Variants in NAV2 observed in about 807,000 individuals in gnomAD.
NAV2 encodes neuron navigator 2, also known as helicase, APC down-regulated 1.
In NAV2, 54 loss-of-function variants were observed where a neutral mutation model predicts 223.2. The ratio of observed to expected loss-of-function variants is 0.24; its 90% confidence interval spans 0.19 to 0.30. The LOEUF (loss-of-function observed/expected upper bound fraction) is 0.30, where lower values mean the gene tolerates loss of function less well. Ranked by LOEUF, NAV2 falls within the 10% of genes least tolerant of loss-of-function variation. The pLI is 1.00. For missense variants in NAV2, 2,806 were observed against 3,147.5 expected (o/e 0.89, Z 2.60); for synonymous variants, 1,279 against 1,239.3 (o/e 1.03, Z -0.67).
intron 1 of NAV2, among the ~76,000 whole-genome samples, chr11:19,715,964 C>A (rs1371022407): frequency 6.6e-6 from 1 of 152,200 alleles, no homozygotes; most frequent in Non-Finnish European, 1.5e-5. Flanking sequence ...AGATCCCTGT[C>A]TGCACAGCTG....
chr11:20,008,401 C>CTTCT (rs1427871923), intron 11 of NAV2, among the ~76,000 whole-genome samples: 1 of 152,180 alleles, frequency 6.6e-6, no homozygotes, highest in Non-Finnish European at 1.5e-5. Flanking sequence ...TGCCTGTCAT[C>CTTCT]TTCTCTGTCT....
At position 19,580,797 on chromosome 11, in the gene NAV2, A is replaced by G. The variant is rs191326343; in HGVS notation, c.75+229770A>G. ...GTGAACAAGATTTTCTCTTGGGAAC[A>G]CACTTAGGAGTAAAACTGCTGAGTA... On this transcript the variant is annotated intron_variant, in intron 1 of 37. Coordinates refer to the NAV2 transcript ENST00000360655. Among the ~76,000 whole-genome samples the G allele has an allele frequency of 1.1e-3, 169 of 152,330 alleles. 1 individual carries two copies. The highest frequency in any genetic ancestry group is 1.9e-3 in the Non-Finnish European group (132 of 68,030).
At chr11:19,406,773 T>G (rs1849916666) in intron 1 of NAV2, among the ~76,000 whole-genome samples, 1 of 152,194 alleles carries the variant, frequency 6.6e-6, no homozygotes, top group South Asian at 2.1e-4. Flanking sequence ...TTCCCGGCCC[T>G]TGAAACTCAC....
At chr11:19,564,791 G>A (rs192685466) in intron 1 of NAV2, among the ~76,000 whole-genome samples, 246 of 152,348 alleles carry the variant, frequency 1.6e-3, no homozygotes, top group African/African-American at 5.8e-3. Flanking sequence ...GAGGCCCAAA[G>A]AGGTCGGGTG....
intron 1 of NAV2, among the ~76,000 whole-genome samples, chr11:19,814,120 G>T (rs1785169475): frequency 6.6e-6 from 1 of 152,168 alleles, no homozygotes; most frequent in African/African-American, 2.4e-5. Flanking sequence ...TCTGGACATT[G>T]TTGGTGGCCT....
intron 30 of NAV2, 36 bp downstream of exon 30, chr11:20,095,803 C>G: frequency 6.8e-7 from 1 of 1,472,390 alleles, no homozygotes; most frequent in South Asian, 1.1e-5. Flanking sequence ...AGCATACTAC[C>G]TAACATGGGC....
At chr11:20,081,081 A>G (rs939998374) in intron 25 of NAV2, among the ~76,000 whole-genome samples, 21 of 152,008 alleles carry the variant, frequency 1.4e-4, no homozygotes, top group African/African-American at 5.1e-4. Context: ...CATTCTGTAC[A>G]CTTCTCACTC....
intron 1 of NAV2, among the ~76,000 whole-genome samples, chr11:19,749,112 C>T (rs1362172795): frequency 6.6e-6 from 1 of 152,218 alleles, no homozygotes; most frequent in African/African-American, 2.4e-5. Flanking sequence ...TTAGAAGCAG[C>T]ATCCCACTGA....
chr11:20,077,493 C>T, intron 22 of NAV2, 59 bp from the exon 23 acceptor site: 1 of 1,342,782 alleles, frequency 7.4e-7, no homozygotes. Flanking sequence ...GAGCCAGACA[C>T]CTTCTAAGCA....
intron 9 of NAV2, among the ~76,000 whole-genome samples, chr11:19,947,015 G>A (rs2046990354): frequency 6.6e-6 from 1 of 152,142 alleles, no homozygotes; most frequent in South Asian, 2.1e-4. Context: ...GGAAACATCA[G>A]GTGCTTTCAT....
chr11:19,426,969 G>A (rs551826827), intron 1 of NAV2, among the ~76,000 whole-genome samples: 30 of 152,250 alleles, frequency 2.0e-4, no homozygotes, highest in African/African-American at 6.7e-4. Context: ...TCTCTCACTG[G>A]AGAAGAGTAT....
At chr11:19,594,743 C>T (rs1268122407) in intron 1 of NAV2, among the ~76,000 whole-genome samples, 3 of 152,124 alleles carry the variant, frequency 2.0e-5, no homozygotes, top group Non-Finnish European at 2.9e-5. Flanking sequence ...GGAACTCTTT[C>T]CTTTCTAGCT....
intron 1 of NAV2, among the ~76,000 whole-genome samples, chr11:19,437,729 TAAACTATG>T (rs940233037): frequency 1.3e-5 from 2 of 152,234 alleles, no homozygotes; most frequent in African/African-American, 4.8e-5. Flanking sequence ...TACTGCCAAT[TAAACTATG>T]AAACGATGCA....
chr11:19,749,116 C>A (rs1310228258), intron 1 of NAV2, among the ~76,000 whole-genome samples: 2 of 152,176 alleles, frequency 1.3e-5, no homozygotes, highest in Non-Finnish European at 2.9e-5. Context: ...AAGCAGCATC[C>A]CACTGAGCAT....
intron 6 of NAV2, among the ~76,000 whole-genome samples, chr11:19,928,515 C>T (rs1490260291): frequency 1.3e-5 from 2 of 152,096 alleles, no homozygotes; most frequent in Non-Finnish European, 2.9e-5. Context: ...AGGAAAATAA[C>T]AAGAGTTGTT....
intron 11 of NAV2, among the ~76,000 whole-genome samples, chr11:20,026,872 T>C (rs2055135438): frequency 6.6e-6 from 1 of 152,192 alleles, no homozygotes; most frequent in Non-Finnish European, 1.5e-5. Context: ...TATCTAACAG[T>C]AACTGGGAGA....
chr11:19,539,077 C>T (rs2044268787), intron 1 of NAV2, among the ~76,000 whole-genome samples: 1 of 152,158 alleles, frequency 6.6e-6, no homozygotes, highest in Non-Finnish European at 1.5e-5. Context: ...CATCCCTCTC[C>T]CCTTCCCCTG....
At chr11:19,621,462 C>G (rs924765347) in intron 1 of NAV2, among the ~76,000 whole-genome samples, 1 of 152,314 alleles carries the variant, frequency 6.6e-6, no homozygotes, top group East Asian at 1.9e-4. Flanking sequence ...AGAGATTCAA[C>G]TTCTTCCTGG....
At chr11:20,087,149 CTG>C (rs1474301368) in intron 26 of NAV2, among the ~76,000 whole-genome samples, 3 of 152,152 alleles carry the variant, frequency 2.0e-5, no homozygotes, top group Non-Finnish European at 2.9e-5. Flanking sequence ...AGAGGAGAAA[CTG>C]TTGCTGGAGG....
Sources: gnomAD v4.1 joint callset for allele counts (sites outside exome capture counted in the v4.1 genomes callset) on GRCh38, gnomAD v4.1.1 for gene constraint, MANE v1.5 for transcripts, NCBI Gene and HGNC (gene_info 2026-07-23, HGNC 2026-07-21) for gene names.